Variants in YLPM1 observed in about 807,000 individuals in gnomAD.
The protein encoded by YLPM1 is YLP motif containing 1.
Under a neutral mutation model 230.0 loss-of-function variants are expected in YLPM1, and 99 were observed. The ratio of observed to expected loss-of-function variants is 0.43; its 90% CI spans 0.37 to 0.51. The LOEUF (loss-of-function observed/expected upper bound fraction) is 0.51, where lower values mean the gene tolerates loss of function less well. YLPM1 is among the 20% of genes least tolerant of loss of function. The pLI is 0.00. For synonymous variants in YLPM1, 984 were observed against 942.5 expected (o/e 1.04, Z -0.81); for missense variants, 2,592 against 2,707.7 (o/e 0.96, Z 0.95).
chr14:74,769,946 G>T (rs2090960485), intron 1 of YLPM1, among the ~76,000 whole-genome samples: 1 of 151,062 alleles, frequency 6.6e-6, no homozygotes, highest in South Asian at 2.1e-4. Flanking sequence ...ACTTTGGGAG[G>T]CCTAGGCGGG....
rs1468335050 is a variant in YLPM1, at chr14:74,836,963, T to TA, written c.*1227dup. ...ATGAGAGAGCCTTCTTCCTCAAGCA[T>TA]AATTTGCATTTTGTAATCCAACTCA... On this transcript the variant is annotated 3_prime_UTR_variant, in exon 21 of 21. Transcript: ENST00000325680. The TA allele has an allele frequency of 6.6e-6, 1 of 152,266 alleles. No individual in the cohort carries two copies. The highest frequency in any genetic ancestry group is 2.4e-5 in the African/African-American group (1 of 41,466). 9.4% of individuals were successfully genotyped at this position (152,266 alleles called of 1,614,324 possible).
chr14:74,766,435 C>T (rs2090911789), intron 1 of YLPM1, among the ~76,000 whole-genome samples: 1 of 152,074 alleles, frequency 6.6e-6, no homozygotes, highest in Non-Finnish European at 1.5e-5. Context: ...GATTCAACAG[C>T]TATCAAGATT....
chr14:74,798,773 G>T lies in YLPM1; in HGVS notation c.3476G>T (p.Arg1159Ile). The T allele has an allele frequency of 6.2e-7, 1 of 1,613,892 alleles. No individual in the cohort carries two copies. The highest frequency in any genetic ancestry group is 1.3e-5 in the African/African-American group (1 of 75,012). The change falls in exon 5 of 21, where the codon AGA (arginine) becomes ATA (isoleucine). Residue 1159 changes from arginine (R) to isoleucine (I), a missense_variant. Physicochemically the swap from Arg to Ile is moderately conservative, Grantham distance 97 (BLOSUM62 -3). This residue lies in a region of YLPM1 where 1,862 missense variants were observed against 1,819.8 expected (regional missense o/e 1.02). Coordinates refer to ENST00000325680, the MANE Select transcript of YLPM1 (RefSeq NM_019589.3). ...GPGSRERGLG[R>I]SDFGRDRGPF... is the part of the protein sequence containing the mutation. Reference sequence around the variant, plus strand: ...GGCAGTCGAGAAAGGGGACTGGGAAGATCAGATTTTGGTCGTGATAGAGGT... The same window carrying T: ...GGCAGTCGAGAAAGGGGACTGGGAATATCAGATTTTGGTCGTGATAGAGGT...
Position 74,795,944 on chromosome 14 carries a change from A to G in YLPM1, c.2283-1636A>G, listed in dbSNP as rs77910193. On this transcript the variant is annotated intron_variant, in intron 4 of 20. Transcript: ENST00000325680. ...ATTTCACCACCATGTCAGAACCAGC[A>G]TGAAAAAGGAAATGGAGAAGAGGAG... Among the ~76,000 whole-genome samples the G allele has an allele frequency of 6.7e-3, 1,025 of 152,360 alleles. 8 individuals are homozygous for G. Among genetic ancestry groups the G allele is most frequent in the African/African-American group, 0.023 (961 of 41,580 alleles).
In YLPM1 at chr14:74,810,082, C is replaced by G. The variant is rs926157616; in HGVS notation, c.5032+80C>G. On this transcript the variant is annotated intron_variant, in intron 8 of 20. Coordinates refer to ENST00000325680, the MANE Select transcript of YLPM1 (RefSeq NM_019589.3). ...ATGATTTTCCTTTTGGTGAGATTAT[C>G]TGAGCCTCCATTTAATACAGCTAAA... 2.7e-6 allele frequency: 4 copies of G among 1,474,902 alleles called. No homozygotes were observed. The Admixed American group carries it at 9.6e-5, about 36-fold the overall frequency. 91.4% of individuals were successfully genotyped at this position (1,474,902 alleles called of 1,614,324 possible). A position where few individuals can be genotyped will look rare whatever the true frequency, so the allele number is the denominator to read the frequency against.
chr14:74,786,637 C>T (rs1042929094), intron 4 of YLPM1, among the ~76,000 whole-genome samples: 6 of 152,084 alleles, frequency 3.9e-5, no homozygotes, highest in African/African-American at 1.4e-4. Context: ...TATTCCCGTT[C>T]CTGTACAATA....
At chr14:74,792,316 T>G (rs2091215226) in intron 4 of YLPM1, among the ~76,000 whole-genome samples, 1 of 152,196 alleles carries the variant, frequency 6.6e-6, no homozygotes, top group Admixed American at 6.5e-5. Context: ...TTGCATTATA[T>G]TTATAATTTA....
chr14:74,803,685 AC>A (rs1415754832), intron 6 of YLPM1, among the ~76,000 whole-genome samples: 2 of 151,916 alleles, frequency 1.3e-5, no homozygotes, highest in Non-Finnish European at 2.9e-5. Context: ...TTTTTTCCTC[AC>A]CATCACCTAG....
At chr14:74,789,853 G>C (rs2140099312) in intron 4 of YLPM1, among the ~76,000 whole-genome samples, 1 of 151,632 alleles carries the variant, frequency 6.6e-6, no homozygotes. Context: ...CAAACTCCTG[G>C]GCTCAGGCCA....
In YLPM1 at chr14:74,835,488, G is replaced by A. The variant is rs145529968; in HGVS notation, c.*36+41G>A. ...CATATAAATAGCCTACTGTGTGGTT[G>A]CTTCAAAGGGTTTGAGATAAAGAAG... On this transcript the variant is annotated intron_variant, in intron 20 of 20. Transcript: ENST00000325680. 339 of 1,533,132 alleles carry A rather than the reference G, an allele frequency of 2.2e-4. No individual in the cohort carries two copies. The African/African-American group carries it at 4.4e-3, about 20-fold the overall frequency. The allele number at this position is 1,533,132 out of a possible 1,614,324, so 95.0% of individuals were successfully genotyped here.
intron 1 of YLPM1, among the ~76,000 whole-genome samples, chr14:74,767,443 C>G (rs1030864214): frequency 6.6e-6 from 1 of 152,130 alleles, no homozygotes; most frequent in Non-Finnish European, 1.5e-5. Flanking sequence ...TGAAAAGATT[C>G]TTAGTATAGA....
At chr14:74,819,927 C>G (rs564003089) in intron 16 of YLPM1, among the ~76,000 whole-genome samples, 16 of 152,284 alleles carry the variant, frequency 1.1e-4, no homozygotes, top group African/African-American at 3.9e-4. Flanking sequence ...ATTTTGTACC[C>G]TCTGTATAGA....
intron 1 of YLPM1, among the ~76,000 whole-genome samples, chr14:74,765,312 G>T (rs2090901437): frequency 6.6e-6 from 1 of 152,182 alleles, no homozygotes; most frequent in African/African-American, 2.4e-5. Context: ...GGAAAAAAGA[G>T]AATCTTGTAA....
At chr14:74,765,674 C>A (rs2090905081) in intron 1 of YLPM1, among the ~76,000 whole-genome samples, 1 of 152,206 alleles carries the variant, frequency 6.6e-6, no homozygotes, top group Non-Finnish European at 1.5e-5. Flanking sequence ...TATATTCTCA[C>A]TCTACTAGAC....
chr14:74,767,191 T>C (rs797002536), intron 1 of YLPM1, among the ~76,000 whole-genome samples: 82 of 152,320 alleles, frequency 5.4e-4, no homozygotes, highest in African/African-American at 1.9e-3. Context: ...CAAGACCCTT[T>C]CTTAGATAAA....
In YLPM1 at chr14:74,764,346, C is replaced by T. The variant is rs2090889484; in HGVS notation, c.857C>T (p.Ser286Phe). Residue 286 changes from serine (S) to phenylalanine (F), a missense_variant, in exon 1 of 21, where the codon TCT becomes TTT. Ser to Phe is a radical substitution (Grantham distance 155, BLOSUM62 -2). Transcript: ENST00000325680. ...QQQAAPEPDP[S>F]TMTPQEQQQY... The stretch of plus-strand genomic sequence containing the variant: ...CAAGCCGCCCCTGAGCCAGATCCCT[C>T]TACGATGACTCCACAGGTAAGAAAG... 1 of 1,609,862 alleles carries T rather than the reference C, an allele frequency of 6.2e-7. No homozygotes were observed. The highest frequency in any genetic ancestry group is 8.5e-7 in the Non-Finnish European group (1 of 1,177,726).
chr14:74,785,821 G>A (rs1407102630), intron 4 of YLPM1, among the ~76,000 whole-genome samples: 1 of 151,554 alleles, frequency 6.6e-6, no homozygotes, highest in Non-Finnish European at 1.5e-5. Flanking sequence ...AAAAAGTCAT[G>A]TGACAAAACT....
intron 1 of YLPM1, among the ~76,000 whole-genome samples, chr14:74,765,909 A>G (rs939303812): frequency 2.0e-5 from 3 of 152,224 alleles, no homozygotes; most frequent in African/African-American, 7.2e-5. Flanking sequence ...TGTGGTGCAC[A>G]TAGACCAGAT....
At chr14:74,785,932 G>A (rs1278486147) in intron 4 of YLPM1, among the ~76,000 whole-genome samples, 6 of 152,166 alleles carry the variant, frequency 3.9e-5, no homozygotes, top group African/African-American at 7.2e-5. Flanking sequence ...GAAGACTACC[G>A]TTGGTCCAGA....
Sources: allele counts gnomAD v4.1 joint callset (sites outside exome capture counted in the v4.1 genomes callset), GRCh38; gene constraint gnomAD v4.1.1; regional missense constraint gnomAD v4.1.1; transcripts MANE v1.5; gene names NCBI Gene and HGNC (gene_info 2026-07-23, HGNC 2026-07-21).